PUM2: variants seen among roughly 807,000 people sequenced by gnomAD.
PUM2 encodes pumilio RNA binding family member 2, also known as pumilio homolog 2.
PUM2 carries 57 observed loss-of-function variants against 124.5 expected under a neutral mutation model. The observed-to-expected ratio is 0.46, with a 90% CI of 0.37 to 0.57. PUM2 has a LOEUF of 0.57. PUM2 is among the 20% of genes least tolerant of loss of function. The probability of loss-of-function intolerance (pLI) is 0.00; values close to 1 mark genes in which losing one functional copy is unlikely to be tolerated. For synonymous variants in PUM2, 460 were observed against 446.1 expected (o/e 1.03, Z -0.39); for missense variants, 1,065 against 1,290.6 (o/e 0.83, Z 2.68).
chr2:20,309,330 T>C (rs1679074818), intron 5 of PUM2, among the ~76,000 whole-genome samples: 1 of 152,014 alleles, frequency 6.6e-6, no homozygotes, highest in African/African-American at 2.4e-5. Context: ...CCATGCTTAT[T>C]ATACCAAATA....
chr2:20,321,798 TTCA>T (rs1682441193), intron 2 of PUM2, among the ~76,000 whole-genome samples: 1 of 152,092 alleles, frequency 6.6e-6, no homozygotes, highest in African/African-American at 2.4e-5. Context: ...CCAATACCAC[TTCA>T]TATTAGTTCC....
At chr2:20,275,201 G>C (rs1669965602) in intron 13 of PUM2, among the ~76,000 whole-genome samples, 1 of 151,786 alleles carries the variant, frequency 6.6e-6, no homozygotes, top group South Asian at 2.1e-4. Flanking sequence ...GGGCTCCAAG[G>C]GGCCAAAGAA....
Position 20,259,599 on chromosome 2 carries a change from T to C in PUM2, c.2355+738A>G, listed in dbSNP as rs150927326. On this transcript the variant is annotated intron_variant, in intron 15 of 20. Coordinates refer to ENST00000361078, the MANE Select transcript of PUM2 (RefSeq NM_015317.5). The stretch of plus-strand genomic sequence containing the variant: ...TTTTCAAGGTCCATCCATGTTGTAG[T>C]ATGTATCAGAACGTCATTCCTTTTT... Among the ~76,000 whole-genome samples the C allele has an allele frequency of 7.0e-3, 1,062 of 152,362 alleles. 10 individuals carry two copies. The highest frequency in any genetic ancestry group is 0.023 in the African/African-American group (977 of 41,590).
intron 13 of PUM2, 47 bp from the exon 14 acceptor site, chr2:20,263,507 T>C: frequency 6.5e-7 from 1 of 1,540,010 alleles, no homozygotes; most frequent in Non-Finnish European, 8.8e-7. Context: ...ACAAAGTTAT[T>C]CCTCAAATAA....
Position 20,312,434 on chromosome 2 carries a change from G to A in PUM2, c.161-11C>T. ...GGGACATTGAATGGTCTGTTTGGAA[G>A]AAAAAACACAATTATATACTTATAC... On this transcript the variant is annotated splice_polypyrimidine_tract_variant and intron_variant, in intron 3 of 20. Coordinates refer to ENST00000361078, the MANE Select transcript of PUM2 (RefSeq NM_015317.5). 1.2e-6 allele frequency: 2 copies of A among 1,602,982 alleles called. No individual in the cohort carries two copies. The highest frequency in any genetic ancestry group is 8.5e-7 in the Non-Finnish European group (1 of 1,173,838).
upstream of PUM2, among the ~76,000 whole-genome samples, chr2:20,351,805 C>T (rs898309644): frequency 6.6e-6 from 1 of 152,170 alleles, no homozygotes; most frequent in African/African-American, 2.4e-5. Context: ...ATATGTCTTC[C>T]CTAGGCGACT....
In PUM2 at chr2:20,350,825, A is replaced by C. The variant is rs1689239574; in HGVS notation, c.-247T>G. The C allele has an allele frequency of 1.0e-6, 1 of 969,810 alleles. No individual in the cohort carries two copies. Among genetic ancestry groups the C allele is most frequent in the Non-Finnish European group, 1.2e-6 (1 of 819,610 alleles). 60.1% of individuals were successfully genotyped at this position (969,810 alleles called of 1,614,324 possible). A position where few individuals can be genotyped will look rare whatever the true frequency, so the allele number is the denominator to read the frequency against. On this transcript the variant is annotated 5_prime_UTR_variant, in exon 1 of 21. Coordinates refer to ENST00000361078, the MANE Select transcript of PUM2 (RefSeq NM_015317.5). ...AGAGACTCACAACAACATGGCTGCC[A>C]CCGCCGCCTGCCCTCCCCTCCCCCC...
chr2:20,324,440 A>C (rs1315407426), intron 2 of PUM2, among the ~76,000 whole-genome samples: 2 of 152,224 alleles, frequency 1.3e-5, no homozygotes, highest in Non-Finnish European at 2.9e-5. Context: ...TCAGTGATTT[A>C]AAGTTAGATT....
intron 17 of PUM2, 87 bp from the exon 18 acceptor site, chr2:20,255,428 T>C: frequency 7.8e-7 from 1 of 1,277,214 alleles, no homozygotes; most frequent in South Asian, 1.4e-5. Flanking sequence ...TTTTTTTTTT[T>C]TGACAACACC....
At chr2:20,253,325 C>T (rs573882132) in intron 20 of PUM2, among the ~76,000 whole-genome samples, 4 of 152,270 alleles carry the variant, frequency 2.6e-5, no homozygotes, top group African/African-American at 9.6e-5. Flanking sequence ...CCCATCTCAG[C>T]TGCCTGAGTA....
rs1663189649 is a variant in PUM2 at position 20,251,063 on chromosome 2, C to G, written c.*522G>C. 6.6e-6 allele frequency: 1 copy of G among 151,966 alleles called. No individual in the cohort carries two copies. The highest frequency in any genetic ancestry group is 2.4e-5 in the African/African-American group (1 of 40,938). 9.4% of individuals were successfully genotyped at this position (151,966 alleles called of 1,614,324 possible). ...TGAATTATCAAAATACAACTTAACT[C>G]TTTTTAAAATATTAATAATATTTAT... is the stretch of plus-strand genomic sequence containing the variant. On this transcript the variant is annotated 3_prime_UTR_variant, in exon 21 of 21. Coordinates refer to ENST00000361078, the MANE Select transcript of PUM2 (RefSeq NM_015317.5).
rs945762702 is a variant in PUM2 at position 20,266,821 on chromosome 2, C to G, written c.1958-3361G>C. Among the ~76,000 whole-genome samples the G allele has an allele frequency of 6.6e-5, 10 of 151,944 alleles. No individual in the cohort carries two copies. The East Asian group carries it at 1.2e-3, about 18-fold the overall frequency. On this transcript the variant is annotated intron_variant, in intron 13 of 20. Coordinates refer to ENST00000361078, the MANE Select transcript of PUM2 (RefSeq NM_015317.5). Reference sequence around the variant, plus strand: ...CCGTGATCCTCAATTTGACAATGGGCCCCCATTGTCAATCTCCCTTTCTCT... The same window carrying G: ...CCGTGATCCTCAATTTGACAATGGGGCCCCATTGTCAATCTCCCTTTCTCT...
chr2:20,332,282 A>AGTGTGTGTGTGTGTGTGTGTGTGTGT (rs55986830), intron 1 of PUM2, among the ~76,000 whole-genome samples: 23 of 145,372 alleles, frequency 1.6e-4, no homozygotes, highest in African/African-American at 3.3e-4. Context: ...ATACTACTAG[A>AGTGTGTGTGTGTGTGTGTGTGTGTGT]GTGTGTGTGT....
rs540230912 is a variant in PUM2 at position 20,318,410 on chromosome 2, T to C, written c.160+127A>G. 1.1e-3 allele frequency: 818 copies of C among 738,118 alleles called. 16 individuals carry two copies. In the South Asian group the frequency reaches 0.015, roughly 14 times the overall value. The allele number at this position is 738,118 out of a possible 1,614,324, so 45.7% of individuals were successfully genotyped here. On this transcript the variant is annotated intron_variant, in intron 3 of 20. Coordinates refer to ENST00000361078, the MANE Select transcript of PUM2 (RefSeq NM_015317.5). ...TGAGCTCAGTTATTTGAGACCAGCC[T>C]GGGCAATAGCGCAAAACTATACAAA...
Position 20,260,437 on chromosome 2 carries a change from G to A in PUM2, c.2255C>T (p.Thr752Ile). 1 of 1,609,682 alleles carries A rather than the reference G, an allele frequency of 6.2e-7. No homozygotes were observed. Among genetic ancestry groups the A allele is most frequent in the East Asian group, 2.2e-5 (1 of 44,784 alleles). ...RFIQQKLERA[T>I]PAERQMVFNE... ...AAATACCATCTGTCGCTCAGCTGGA[G>A]TAGCTCTCTCTAGTTTTTGCTGTAT... The change falls in exon 15 of 21, where the codon ACT (threonine) becomes ATT (isoleucine). Residue 752 changes from threonine to isoleucine, a missense_variant. By Grantham distance (89) the Thr-to-Ile change is moderately conservative (BLOSUM62 -1). This residue lies in a region of PUM2 where 968 missense variants were observed against 1,159.8 expected (regional missense o/e 0.83). Coordinates refer to ENST00000361078, the MANE Select transcript of PUM2 (RefSeq NM_015317.5).
rs1236740378 is a variant in PUM2, at chr2:20,278,775, A to T, written c.1765T>A (p.Ser589Thr). The T allele has an allele frequency of 6.2e-7, 1 of 1,613,510 alleles. No homozygotes were observed. Among genetic ancestry groups the T allele is most frequent in the East Asian group, 2.2e-5 (1 of 44,884 alleles). Reference protein sequence around the residue: ...SSSATRRESLSTSSDLYKRSS... With the variant: ...SSSATRRESLTTSSDLYKRSS... ...CTTTTGTACAAGTCAGAGCTAGTAGATAGAGACTCTCTCCTTGTGGCACTA... is the reference window on the plus strand; with the variant it reads ...CTTTTGTACAAGTCAGAGCTAGTAGTTAGAGACTCTCTCCTTGTGGCACTA... Residue 589 changes from serine to threonine, a missense_variant, in exon 13 of 21, where the codon TCT becomes ACT. Transcript: ENST00000361078.
rs115240689 is a variant in PUM2, at chr2:20,271,750, T to A, written c.1957+6833A>T. Reference sequence around the variant, plus strand: ...AACACTGACATTCAAACTCACTTTTTCCACAAAGTCACAATAGGTTAAATT... The same window carrying A: ...AACACTGACATTCAAACTCACTTTTACCACAAAGTCACAATAGGTTAAATT... On this transcript the variant is annotated intron_variant, in intron 13 of 20. Coordinates refer to ENST00000361078, the MANE Select transcript of PUM2 (RefSeq NM_015317.5). Among the ~76,000 whole-genome samples the A allele has an allele frequency of 7.0e-3, 1,068 of 152,324 alleles. 11 individuals are homozygous for A. Among genetic ancestry groups the A allele is most frequent in the African/African-American group, 0.024 (983 of 41,554 alleles).
intron 13 of PUM2, among the ~76,000 whole-genome samples, chr2:20,273,168 G>A (rs1669428225): frequency 1.3e-5 from 2 of 152,216 alleles, no homozygotes; most frequent in Non-Finnish European, 2.9e-5. Flanking sequence ...GTGTTTTCAT[G>A]TGGAGGCTAC....
At chr2:20,279,679 T>C (rs924422550) in intron 12 of PUM2, among the ~76,000 whole-genome samples, 36 of 152,290 alleles carry the variant, frequency 2.4e-4, no homozygotes, top group African/African-American at 8.4e-4. Context: ...CTAATCCTTT[T>C]TCCTTTTATA....
Sources: gnomAD v4.1 joint callset for allele counts (sites outside exome capture counted in the v4.1 genomes callset) on GRCh38, gnomAD v4.1.1 for gene constraint, gnomAD v4.1.1 regional missense constraint, MANE v1.5 for transcripts, NCBI Gene and HGNC (gene_info 2026-07-23, HGNC 2026-07-21) for gene names.